FDPS: variants seen among roughly 807,000 people sequenced by gnomAD.
FDPS encodes farnesyl pyrophosphate synthase.
Under a neutral mutation model 49.5 loss-of-function variants are expected in FDPS, and 29 were observed. The ratio of observed to expected loss-of-function variants is 0.59; its 90% CI spans 0.44 to 0.80. FDPS has a LOEUF of 0.80. FDPS is among the 30% of genes least tolerant of loss of function. The probability of loss-of-function intolerance (pLI) is 0.00; values close to 1 mark genes in which losing one functional copy is unlikely to be tolerated. For missense variants in FDPS, 414 were observed against 525.6 expected, an observed-to-expected ratio of 0.79 and a Z score of 2.08; for synonymous variants, 172 against 206.4, an observed-to-expected ratio of 0.83 and a Z score of 1.43.
At chr1:155,311,077 G>A (rs1020487964) in intron 3 of FDPS, among the ~76,000 whole-genome samples, 4 of 152,082 alleles carry the variant, frequency 2.6e-5, no homozygotes, top group African/African-American at 4.8e-5. Context: ...GGTGGCTCAC[G>A]CCTGTAATCC....
At chr1:155,309,120 T>A (rs1232601804) in intron 1 of FDPS, 155 bp downstream of exon 1, 1 of 152,502 alleles carries the variant, frequency 6.6e-6, no homozygotes, top group African/African-American at 2.4e-5. Context: ...TGTGGAGACT[T>A]CCCAACTCTG....
chr1:155,320,449 T>C lies in FDPS; in HGVS notation c.1100T>C (p.Val367Ala), dbSNP rs1359858222. ...GQKEAEKVAR[V>A]KALYEELDLP... ...AAGGAGGCTGAGAAAGTGGCCCGGG[T>C]GAAGGCGCTATATGAGGAGCTGGAT... is the stretch of plus-strand genomic sequence containing the variant. Residue 367 changes from valine (V) to alanine (A), a missense_variant, in exon 11 of 11, where the codon GTG becomes GCG. Transcript: ENST00000368356. 1.9e-6 allele frequency: 3 copies of C among 1,613,350 alleles called. No homozygotes were observed. The highest frequency in any genetic ancestry group is 2.5e-6 in the Non-Finnish European group (3 of 1,179,946).
chr1:155,320,447 G>C lies in FDPS; in HGVS notation c.1098G>C (p.Arg366=). Residue 366 remains arginine (R), a synonymous_variant, in exon 11 of 11, where the codon CGG becomes CGC. Coordinates refer to ENST00000368356, the MANE Select transcript of FDPS (RefSeq NM_002004.4). ...AGAAGGAGGCTGAGAAAGTGGCCCGGGTGAAGGCGCTATATGAGGAGCTGG... is the reference window on the plus strand; with the variant it reads ...AGAAGGAGGCTGAGAAAGTGGCCCGCGTGAAGGCGCTATATGAGGAGCTGG... The part of the protein sequence containing the change: ...YGQKEAEKVA[R]VKALYEELDL... 6.2e-7 allele frequency: 1 copy of C among 1,613,742 alleles called. No homozygotes were observed. Among genetic ancestry groups the C allele is most frequent in the Non-Finnish European group, 8.5e-7 (1 of 1,179,990 alleles).
intron 3 of FDPS, 107 bp downstream of exon 3, chr1:155,310,312 G>GT: frequency 3.4e-6 from 3 of 870,166 alleles, no homozygotes; most frequent in East Asian, 3.0e-5. Context: ...GTGAGAGAAA[G>GT]CTTTTTTTTT....
intron 4 of FDPS, 176 bp from the exon 5 acceptor site, chr1:155,317,765 G>A: frequency 1.7e-6 from 1 of 571,576 alleles, no homozygotes; most frequent in East Asian, 3.0e-5. Context: ...GATCACTTGA[G>A]CCTGGGAGTT....
intron 10 of FDPS, chr1:155,320,197 C>A: frequency 1.6e-6 from 1 of 644,716 alleles, no homozygotes; most frequent in Non-Finnish European, 2.7e-6. Context: ...GTGGAGAAAC[C>A]CTGGAGTAGA....
Position 155,318,312 on chromosome 1 carries a change from G to A in FDPS, c.684+21G>A, listed in dbSNP as rs759269192. On this transcript the variant is annotated intron_variant, in intron 6 of 10. Coordinates refer to ENST00000368356, the MANE Select transcript of FDPS (RefSeq NM_002004.4). The surrounding 1 kb of genome is among the most constrained non-coding windows in gnomAD (Gnocchi z 4.2). Reference sequence around the variant, plus strand: ...TGCAGGTGTATTGCAGACAGGGCCCGATGCCCAGAGGGTGCCCATGGTAGC... The same window carrying A: ...TGCAGGTGTATTGCAGACAGGGCCCAATGCCCAGAGGGTGCCCATGGTAGC... 13 of 1,606,918 alleles carry A rather than the reference G, an allele frequency of 8.1e-6. No homozygotes were observed. The highest frequency in any genetic ancestry group is 4.0e-5 in the African/African-American group (3 of 74,902).
intron 4 of FDPS, among the ~76,000 whole-genome samples, chr1:155,313,505 A>G (rs1264208031): frequency 6.6e-6 from 1 of 152,220 alleles, no homozygotes; most frequent in South Asian, 2.1e-4. Context: ...TGCTGAGCAC[A>G]GTCAGCCCGG....
At position 155,318,027 on chromosome 1, in the gene FDPS, G is replaced by A; in HGVS notation, c.561+6G>A. The A allele has an allele frequency of 6.2e-7, 1 of 1,614,116 alleles. No individual in the cohort carries two copies. The highest frequency in any genetic ancestry group is 8.5e-7 in the Non-Finnish European group (1 of 1,179,974). On this transcript the variant is annotated splice_donor_region_variant and intron_variant, in intron 5 of 10. Coordinates refer to ENST00000368356, the MANE Select transcript of FDPS (RefSeq NM_002004.4). This position sits in a 1 kb window ranked among gnomAD's most constrained non-coding sequence, Gnocchi z 4.2. ...AGATCTGCTGGTATCAGAAGGTAAT[G>A]TGGGCAGGAAAATAGCAGTGGGTAT... is the stretch of plus-strand genomic sequence containing the variant.
At chr1:155,313,316 T>C (rs1648995156) in intron 4 of FDPS, among the ~76,000 whole-genome samples, 1 of 152,194 alleles carries the variant, frequency 6.6e-6, no homozygotes, top group African/African-American at 2.4e-5. Context: ...CTTGAAGGTG[T>C]CTAGTTTGCT....
chr1:155,320,636 G>A lies in FDPS; in HGVS notation c.*27G>A, dbSNP rs746349158. ...CTAGAGATTGCAAGGGCGGGGAGAG[G>A]AGGCTCTCAATAAATAATCGTGTAA... On this transcript the variant is annotated 3_prime_UTR_variant, in exon 11 of 11. Coordinates refer to ENST00000368356, the MANE Select transcript of FDPS (RefSeq NM_002004.4). 4.3e-6 allele frequency: 7 copies of A among 1,610,844 alleles called. No individual in the cohort carries two copies. The highest frequency in any genetic ancestry group is 5.9e-6 in the Non-Finnish European group (7 of 1,177,224).
chr1:155,320,013 G>A, intron 10 of FDPS, 85 bp downstream of exon 10: 1 of 1,490,132 alleles, frequency 6.7e-7, no homozygotes, highest in Non-Finnish European at 9.2e-7. Flanking sequence ...TTCCTCCCGA[G>A]GGGACATTTG....
rs550670610 is a variant in FDPS, at chr1:155,312,143, G to A, written c.340-112G>A. On this transcript the variant is annotated intron_variant, in intron 3 of 10. Coordinates refer to ENST00000368356, the MANE Select transcript of FDPS (RefSeq NM_002004.4). ...AGAGGCTCCTTGAAGAGGAGTTGGG[G>A]TTGGGGAGGATAAAGTTAGGTGGTG... 20 of 1,241,574 alleles carry A rather than the reference G, an allele frequency of 1.6e-5. No individual in the cohort carries two copies. In the South Asian group the frequency reaches 2.6e-4, roughly 16 times the overall value. 76.9% of individuals were successfully genotyped at this position (1,241,574 alleles called of 1,614,324 possible).
intron 3 of FDPS, 32 bp downstream of exon 3, chr1:155,310,237 T>C: frequency 6.2e-7 from 1 of 1,609,642 alleles, no homozygotes. Context: ...GGAGTAAGGC[T>C]TTGGTTCAGT....
intron 10 of FDPS, 168 bp from the exon 11 acceptor site, chr1:155,320,241 G>A: frequency 1.5e-6 from 1 of 677,182 alleles, no homozygotes; most frequent in Non-Finnish European, 2.6e-6. Flanking sequence ...TTGGGATAGG[G>A]AAGGGAAGCT....
chr1:155,312,535 GTGAA>G, intron 4 of FDPS, 140 bp downstream of exon 4: 1 of 859,906 alleles, frequency 1.2e-6, no homozygotes, highest in South Asian at 1.6e-5. Flanking sequence ...CAAATTTAGA[GTGAA>G]TCACTCCAAG....
rs1388518416 is a variant in FDPS, at chr1:155,309,754, G to A, written c.-1-35G>A. On this transcript the variant is annotated intron_variant, in intron 1 of 10. Coordinates refer to ENST00000368356, the MANE Select transcript of FDPS (RefSeq NM_002004.4). ...TGCCTTTGGTGCTTGCCCCTGCAGG[G>A]AGTGCTTAGTGCCCCCTCCCTATGC... The A allele has an allele frequency of 5.4e-6, 8 of 1,487,872 alleles. No individual in the cohort carries two copies. The African/African-American group carries it at 8.3e-5, about 15-fold the overall frequency. 92.2% of individuals were successfully genotyped at this position (1,487,872 alleles called of 1,614,324 possible).
rs367778160 is a variant in FDPS, at chr1:155,312,441, T to G, written c.480+46T>G. On this transcript the variant is annotated intron_variant, in intron 4 of 10. Transcript: ENST00000368356. ...GAGAAGAAGTTTCCTGCAATGGTGG[T>G]GACTTGGGTGGGAAGGGGAGGGATG... The G allele has an allele frequency of 8.2e-6, 13 of 1,583,354 alleles. No homozygotes were observed. In the African/African-American group the frequency reaches 1.8e-4, roughly 21 times the overall value.
rs1478830764 is a variant in FDPS, at chr1:155,319,605, CT to C, written c.847-5del. The C allele has an allele frequency of 6.2e-7, 1 of 1,613,874 alleles. No individual in the cohort carries two copies. Among genetic ancestry groups the C allele is most frequent in the Non-Finnish European group, 8.5e-7 (1 of 1,180,046 alleles). ...GTTTGGCTTATTAACCCCCCTTTCCCTGCAGGCAGGAATTGATGGCGAGAAG... is the reference window on the plus strand; with the variant it reads ...GTTTGGCTTATTAACCCCCCTTTCCCGCAGGCAGGAATTGATGGCGAGAAG... On this transcript the variant is annotated splice_polypyrimidine_tract_variant and splice_region_variant and intron_variant, in intron 8 of 10. Coordinates refer to ENST00000368356, the MANE Select transcript of FDPS (RefSeq NM_002004.4).
Sources: allele counts gnomAD v4.1 joint callset (sites outside exome capture counted in the v4.1 genomes callset), GRCh38; gene constraint gnomAD v4.1.1; non-coding constraint Gnocchi (gnomAD v3.1); transcripts MANE v1.5; gene names NCBI Gene and HGNC (gene_info 2026-07-23, HGNC 2026-07-21).